MEP1B: variants seen among roughly 807,000 people sequenced by gnomAD.
MEP1B encodes N-benzoyl-L-tyrosyl-P-amino-benzoic acid hydrolase subunit beta.
MEP1B carries 80 observed loss-of-function variants against 84.6 expected under a neutral mutation model. That is an observed-to-expected ratio of 0.95 (90% CI 0.79 to 1.14). The LOEUF is 1.14. Ranked by LOEUF, MEP1B falls within the 50% of genes most tolerant of loss-of-function variation. MEP1B has a pLI of 0.00. For synonymous variants in MEP1B, 273 were observed against 288.1 expected, an observed-to-expected ratio of 0.95 and a Z score of 0.53; for missense variants, 766 against 855.1, an observed-to-expected ratio of 0.90 and a Z score of 1.30.
Position 32,207,340 on chromosome 18 carries a change from TA to T in MEP1B, c.640del (p.Thr214LeufsTer21). ...ATTACACTTCAGTAATGCACTACAG[TA>T]AAACTGCATTCCAAAATGGAACAGA... ...YDYTSVMHYS[K>X]TAFQNGTEPT... On this transcript the variant is annotated frameshift_variant, in exon 8 of 15. Transcript: ENST00000269202. LOFTEE classifies it high-confidence loss of function. 1 of 1,612,386 alleles carries T rather than the reference TA, an allele frequency of 6.2e-7. No homozygotes were observed. Among genetic ancestry groups the T allele is most frequent in the South Asian group, 1.1e-5 (1 of 90,880 alleles).
rs184429685 is a variant in MEP1B at position 32,219,357 on chromosome 18, A to T, written c.2092-874A>T. Among the ~76,000 whole-genome samples the T allele has an allele frequency of 3.6e-3, 549 of 152,290 alleles. 2 individuals carry two copies. The highest frequency in any genetic ancestry group is 5.8e-3 in the Non-Finnish European group (394 of 68,020). ...AGGCAATAGATCAATTACTTCACAA[A>T]ATTATTAGAAAAGTATTTAAAATAT... On this transcript the variant is annotated intron_variant, in intron 14 of 14. Coordinates refer to ENST00000269202, the MANE Select transcript of MEP1B (RefSeq NM_005925.3).
chr18:32,204,645 T>C (rs1204395037), intron 7 of MEP1B, among the ~76,000 whole-genome samples: 1 of 152,128 alleles, frequency 6.6e-6, no homozygotes, highest in African/African-American at 2.4e-5. Context: ...CAAATTAGTT[T>C]TGCAAATCCC....
Position 32,192,692 on chromosome 18 carries a change from T to C in MEP1B, c.127+2T>C. On this transcript the variant is annotated splice_donor_variant, in intron 3 of 14. Transcript: ENST00000269202. LOFTEE classifies it high-confidence loss of function. ...AGGACATATTTGATATCAATGAAGG[T>C]TTGTGGATTTTTTTTACATAATCTC... The C allele has an allele frequency of 1.2e-6, 2 of 1,613,150 alleles. No individual in the cohort carries two copies. The highest frequency in any genetic ancestry group is 1.7e-6 in the Non-Finnish European group (2 of 1,179,272).
intron 5 of MEP1B, among the ~76,000 whole-genome samples, chr18:32,199,711 CT>C (rs2040892804): frequency 2.0e-5 from 3 of 149,336 alleles, no homozygotes; most frequent in African/African-American, 7.4e-5. Flanking sequence ...TTCCTTCCTT[CT>C]TTCTTTTTTG....
intron 14 of MEP1B, 47 bp downstream of exon 14, chr18:32,218,012 C>T: frequency 6.4e-7 from 1 of 1,571,870 alleles, no homozygotes; most frequent in Non-Finnish European, 8.7e-7. Flanking sequence ...TTGGTGAAAT[C>T]TTATGGAGAG....
At chr18:32,217,418 A>T (rs1382696526) in intron 13 of MEP1B, among the ~76,000 whole-genome samples, 1 of 152,180 alleles carries the variant, frequency 6.6e-6, no homozygotes, top group Non-Finnish European at 1.5e-5. Context: ...CTAGATGAAG[A>T]TACTGACGTT....
chr18:32,195,279 C>T (rs1598886654), intron 4 of MEP1B, 128 bp from the exon 5 acceptor site: 1 of 633,354 alleles, frequency 1.6e-6, no homozygotes, highest in Admixed American at 2.8e-5. Flanking sequence ...CACACACACA[C>T]ACACACACAC....
intron 1 of MEP1B, among the ~76,000 whole-genome samples, chr18:32,190,569 G>C (rs1008911360): frequency 3.9e-5 from 6 of 152,138 alleles, no homozygotes; most frequent in Admixed American, 1.3e-4. Context: ...CTACAGTTTG[G>C]ACTAATCTTT....
intron 2 of MEP1B, 79 bp downstream of exon 2, chr18:32,191,919 T>C (rs1317681457): frequency 2.4e-6 from 2 of 832,456 alleles, no homozygotes; most frequent in Non-Finnish European, 3.9e-6. Context: ...CATAATTACA[T>C]ATGCATAATT....
chr18:32,211,414 AATT>A (rs2041026629), intron 10 of MEP1B, among the ~76,000 whole-genome samples: 1 of 152,206 alleles, frequency 6.6e-6, no homozygotes, highest in South Asian at 2.1e-4. Context: ...CTTGAGGGGG[AATT>A]ATTAATAGAT....
At chr18:32,216,911 T>C in intron 12 of MEP1B, 80 bp from the exon 13 acceptor site, 1 of 1,456,650 alleles carries the variant, frequency 6.9e-7, no homozygotes, top group Non-Finnish European at 9.3e-7. Flanking sequence ...AAAGAAACAT[T>C]AAAAGAAAAT....
In MEP1B at chr18:32,196,848, G is replaced by T; in HGVS notation, c.250+1363G>T. The T allele has an allele frequency of 1.8e-6, 1 of 551,498 alleles. No homozygotes were observed. The highest frequency in any genetic ancestry group is 2.7e-5 in the Admixed American group (1 of 36,836). 34.2% of individuals were successfully genotyped at this position (551,498 alleles called of 1,614,324 possible). A position where few individuals can be genotyped will look rare whatever the true frequency, so the allele number is the denominator to read the frequency against. On this transcript the variant is annotated intron_variant, in intron 5 of 14. Coordinates refer to ENST00000269202, the MANE Select transcript of MEP1B (RefSeq NM_005925.3). The surrounding 1 kb of genome is among the most constrained non-coding windows in gnomAD (Gnocchi z 4.4). ...CTTCTGCTGGCTTCTCAGGGCCTCTGCGTACTTGCCCATGATGTAGTGGAG... is the reference window on the plus strand; with the variant it reads ...CTTCTGCTGGCTTCTCAGGGCCTCTTCGTACTTGCCCATGATGTAGTGGAG...
intron 5 of MEP1B, among the ~76,000 whole-genome samples, chr18:32,199,245 A>G (rs1052912408): frequency 6.6e-6 from 1 of 152,222 alleles, no homozygotes; most frequent in African/African-American, 2.4e-5. Flanking sequence ...TGAAGCCGTG[A>G]GTATGGATGA....
chr18:32,194,078 C>G (rs188515829), intron 4 of MEP1B, among the ~76,000 whole-genome samples: 38 of 152,270 alleles, frequency 2.5e-4, no homozygotes, highest in African/African-American at 8.2e-4. Context: ...TCCTCACAAC[C>G]TGACTCTACT....
At chr18:32,210,776 T>A in intron 10 of MEP1B, 60 bp downstream of exon 10, 2 of 1,410,420 alleles carry the variant, frequency 1.4e-6, no homozygotes, top group Non-Finnish European at 2.0e-6. Context: ...GGTCTTTTCT[T>A]TAGTTAATGC....
intron 5 of MEP1B, among the ~76,000 whole-genome samples, chr18:32,199,680 C>CTTCCT (rs1432324444): frequency 2.7e-5 from 4 of 147,528 alleles, no homozygotes; most frequent in Non-Finnish European, 4.5e-5. Flanking sequence ...TCCTTCCTTC[C>CTTCCT]TTCCTTCCTT....
chr18:32,203,054 T>A, intron 6 of MEP1B, 44 bp downstream of exon 6: 1 of 1,135,392 alleles, frequency 8.8e-7, no homozygotes. Flanking sequence ...AGGAGAACTC[T>A]AGTGCCTGGG....
intron 7 of MEP1B, 50 bp from the exon 8 acceptor site, chr18:32,207,202 T>C (rs758583333): frequency 1.7e-5 from 22 of 1,264,580 alleles, no homozygotes; most frequent in Non-Finnish European, 2.5e-5. Flanking sequence ...TGGAGTAAGA[T>C]AAGCTGAATT....
chr18:32,191,721 A>T (rs2040803353), intron 1 of MEP1B, 101 bp from the exon 2 acceptor site: 2 of 728,082 alleles, frequency 2.7e-6, no homozygotes, highest in Admixed American at 5.9e-5. Context: ...AATATTAATG[A>T]CAAAACAAAC....
Sources: allele counts gnomAD v4.1 joint callset (sites outside exome capture counted in the v4.1 genomes callset), GRCh38; gene constraint gnomAD v4.1.1; non-coding constraint Gnocchi (gnomAD v3.1); transcripts MANE v1.5; gene names NCBI Gene and HGNC (gene_info 2026-07-23, HGNC 2026-07-21).